The following FHAD1 variants were observed in gnomAD, a reference collection of about 807,000 sequenced individuals.
The protein encoded by FHAD1 is forkhead associated phosphopeptide binding domain 1, also known as forkhead-associated domain-containing protein 1.
A neutral mutation model predicts 191.3 loss-of-function variants in FHAD1; 146 were observed. The ratio of observed to expected loss-of-function variants is 0.76; its 90% confidence interval spans 0.67 to 0.88. The LOEUF (loss-of-function observed/expected upper bound fraction) is 0.88, where lower values mean the gene tolerates loss of function less well. Among genes scored for constraint, FHAD1 ranks in the 40% least tolerant of loss-of-function variants. The probability of loss-of-function intolerance (pLI) is 0.00; values close to 1 mark genes in which losing one functional copy is unlikely to be tolerated. For synonymous variants in FHAD1, 616 were observed against 672.3 expected (o/e 0.92, Z 1.29); for missense variants, 1,635 against 1,785.8 (o/e 0.92, Z 1.52).
chr1:15,331,755 G>A (rs186432758), intron 14 of FHAD1, among the ~76,000 whole-genome samples: 99 of 152,064 alleles, frequency 6.5e-4, no homozygotes, highest in African/African-American at 2.2e-3. Context: ...AGGCAAGCAG[G>A]CAGGAAGGAA....
intron 24 of FHAD1, 145 bp downstream of exon 24, chr1:15,366,078 G>A (rs1336664716): frequency 6.9e-6 from 4 of 576,438 alleles, no homozygotes; most frequent in African/African-American, 3.8e-5. Flanking sequence ...ACAAGGTCAG[G>A]AGTTCAAGAC....
rs116158509 is a variant in FHAD1, at chr1:15,280,810, C to T, written c.300+8281C>T. Among the ~76,000 whole-genome samples the T allele has an allele frequency of 7.3e-3, 1,108 of 152,148 alleles. 6 individuals are homozygous for T. Among genetic ancestry groups the T allele is most frequent in the Non-Finnish European group, 0.01 (710 of 68,010 alleles). ...TTCTCTTTCCCATTTTATGGACTGA[C>T]CAGGAAATGAATTAGAACTTAAAGG... On this transcript the variant is annotated intron_variant, in intron 3 of 33. Transcript: ENST00000688493.
chr1:15,347,089 C>T (rs1160208410), intron 18 of FHAD1, among the ~76,000 whole-genome samples: 3 of 152,208 alleles, frequency 2.0e-5, no homozygotes, highest in South Asian at 2.1e-4. Context: ...GACAGAGAGA[C>T]GTTTACATGT....
chr1:15,368,858 A>G (rs1251570202), intron 25 of FHAD1, among the ~76,000 whole-genome samples: 1 of 152,124 alleles, frequency 6.6e-6, no homozygotes, highest in Non-Finnish European at 1.5e-5. Flanking sequence ...GAATTGCTTG[A>G]ACCTGGGAGG....
chr1:15,328,051 AAG>A, intron 12 of FHAD1: 1 of 307,584 alleles, frequency 3.3e-6, no homozygotes, highest in Non-Finnish European at 5.9e-6. Flanking sequence ...AAAAAAAGAA[AAG>A]AAAAAAGAAA....
At chr1:15,317,298 A>G (rs1574285914) in intron 9 of FHAD1, among the ~76,000 whole-genome samples, 4 of 152,358 alleles carry the variant, frequency 2.6e-5, no homozygotes, top group Admixed American at 2.6e-4. Context: ...ACGCCCTCCG[A>G]ATCCACCCTG....
chr1:15,344,421 A>G (rs551156064), intron 16 of FHAD1, among the ~76,000 whole-genome samples: 2 of 152,368 alleles, frequency 1.3e-5, no homozygotes, highest in East Asian at 1.9e-4. Context: ...GCACACACCA[A>G]TGGGTTAGAT....
At chr1:15,367,698 C>A in intron 25 of FHAD1, 76 bp downstream of exon 25, 1 of 1,209,408 alleles carries the variant, frequency 8.3e-7, no homozygotes, top group South Asian at 1.4e-5. Context: ...AGAGAGAGGG[C>A]TCAGTACATG....
At chr1:15,284,478 C>CA (rs34856227) in intron 3 of FHAD1, among the ~76,000 whole-genome samples, 2,514 of 118,630 alleles carry the variant, frequency 0.021, 78 homozygotes, top group African/African-American at 0.028. Flanking sequence ...GACTCCATCT[C>CA]AAAAAAAAAA....
chr1:15,367,459 G>T lies in FHAD1; in HGVS notation c.3155-4G>T, dbSNP rs376422323. ...CCCCTTACCGGCCCTCCTGTCACTC[G>T]CAGGGGAGCTAAACGAGAAGCAGAA... On this transcript the variant is annotated splice_polypyrimidine_tract_variant and splice_region_variant and intron_variant, in intron 24 of 33. Transcript: ENST00000688493. 24 of 1,550,592 alleles carry T rather than the reference G, an allele frequency of 1.5e-5. No homozygotes were observed. The highest frequency in any genetic ancestry group is 1.9e-5 in the Non-Finnish European group (22 of 1,146,394).
intron 2 of FHAD1, among the ~76,000 whole-genome samples, chr1:15,256,893 T>C (rs1184844237): frequency 1.3e-5 from 2 of 152,128 alleles, no homozygotes; most frequent in African/African-American, 2.4e-5. Context: ...GACAGCATCC[T>C]ACTAGTTGAC....
rs116545211 is a variant in FHAD1, at chr1:15,381,357, G to A, written c.3928G>A (p.Asp1310Asn). The A allele has an allele frequency of 3.3e-3, 5,061 of 1,551,720 alleles. 160 individuals carry two copies. The African/African-American group carries it at 0.062, about 19-fold the overall frequency. The change falls in exon 30 of 34, where the codon GAC becomes AAC. Residue 1310 changes from aspartate to asparagine, a missense_variant. Asp to Asn is a conservative substitution (Grantham distance 23). Coordinates refer to ENST00000688493, the MANE Select transcript of FHAD1 (RefSeq NM_001391957.1). This position sits in a 1 kb window ranked among gnomAD's most constrained non-coding sequence, Gnocchi z 4.6. ...KVNQLRQRDLDLVFDKITQLK... is the reference protein window; with the variant it reads ...KVNQLRQRDLNLVFDKITQLK... The stretch of plus-strand genomic sequence containing the variant: ...CAACCAGCTTCGACAAAGGGACCTC[G>A]ACCTGGTGTTTGATAAGATCACCCA...
chr1:15,355,600 T>C (rs1262424568), intron 20 of FHAD1, among the ~76,000 whole-genome samples: 1 of 152,168 alleles, frequency 6.6e-6, no homozygotes, highest in African/African-American at 2.4e-5. Flanking sequence ...AAAGAAACAA[T>C]TGCAGTTTGT....
At chr1:15,273,255 C>T (rs953877731) in intron 3 of FHAD1, among the ~76,000 whole-genome samples, 1 of 152,096 alleles carries the variant, frequency 6.6e-6, no homozygotes, top group African/African-American at 2.4e-5. Context: ...AACCTAAATG[C>T]CCATCAAAAG....
At chr1:15,362,515 G>A in intron 22 of FHAD1, 127 bp from the exon 23 acceptor site, 1 of 722,312 alleles carries the variant, frequency 1.4e-6, no homozygotes, top group Non-Finnish European at 2.4e-6. Flanking sequence ...ACACGTGCAG[G>A]TCTCACAAGG....
intron 33 of FHAD1, among the ~76,000 whole-genome samples, chr1:15,396,801 C>T (rs920244329): frequency 2.6e-5 from 4 of 151,762 alleles, no homozygotes; most frequent in African/African-American, 9.7e-5. Context: ...CAGAACAAGA[C>T]TCTGTCTCAA....
rs917341134 is a variant in FHAD1, at chr1:15,316,322, C to T, written c.1171-56C>T. The T allele has an allele frequency of 2.6e-5, 38 of 1,436,286 alleles. No homozygotes were observed. The East Asian group carries it at 5.0e-4, about 19-fold the overall frequency. The allele number at this position is 1,436,286 out of a possible 1,614,324, so 89.0% of individuals were successfully genotyped here. A position where few individuals can be genotyped will look rare whatever the true frequency, so the allele number is the denominator to read the frequency against. ...GGGGCCTTGGAGCCCCTCCTTCCCC[C>T]GACAACCCTACCTGGCCAACGTTGG... On this transcript the variant is annotated intron_variant, in intron 8 of 33. Coordinates refer to ENST00000688493, the MANE Select transcript of FHAD1 (RefSeq NM_001391957.1). The surrounding 1 kb of genome is among the most constrained non-coding windows in gnomAD (Gnocchi z 4.3).
chr1:15,381,032 C>T lies in FHAD1; in HGVS notation c.3802-199C>T, dbSNP rs1700783552. ...CTGTTGTCATTTTTCACCCCCGGTT[C>T]TCAAAAAAGGCATAGCGTAAATGGA... On this transcript the variant is annotated intron_variant, in intron 29 of 33. Coordinates refer to ENST00000688493, the MANE Select transcript of FHAD1 (RefSeq NM_001391957.1). The surrounding 1 kb of genome is among the most constrained non-coding windows in gnomAD (Gnocchi z 4.6). 1.3e-5 allele frequency among the ~76,000 whole-genome samples: 2 copies of T among 152,128 alleles called. No individual in the cohort carries two copies. The highest frequency in any genetic ancestry group is 1.3e-4 in the Admixed American group (2 of 15,276).
At chr1:15,240,217 C>T (rs1345824624) in intron 1 of FHAD1, among the ~76,000 whole-genome samples, 2 of 152,224 alleles carry the variant, frequency 1.3e-5, no homozygotes, top group African/African-American at 4.8e-5. Flanking sequence ...AGCCAACTTC[C>T]AGAAAGGCCC....
Sources: gnomAD v4.1 joint callset for allele counts (sites outside exome capture counted in the v4.1 genomes callset) on GRCh38, gnomAD v4.1.1 for gene constraint, Gnocchi (gnomAD v3.1) non-coding constraint, MANE v1.5 for transcripts, NCBI Gene and HGNC (gene_info 2026-07-23, HGNC 2026-07-21) for gene names.